ARB2A: variants seen among roughly 807,000 people sequenced by gnomAD.
ARB2A encodes the protein cotranscriptional regulator ARB2A.
the ARB2A span, among the ~76,000 whole-genome samples, chr5:93,758,874 G>A: frequency 6.6e-6 from 1 of 151,122 alleles, no homozygotes; most frequent in East Asian, 1.9e-4. Context: ...AACCCCAGCA[G>A]AAAAAAGGAA....
chr5:93,859,956 C>G, the ARB2A span, among the ~76,000 whole-genome samples: 1 of 152,082 alleles, frequency 6.6e-6, no homozygotes, highest in Non-Finnish European at 1.5e-5. Flanking sequence ...TTCTAGAGCA[C>G]CAGGAGGCAT....
chr5:93,860,203 G>T, the ARB2A span, among the ~76,000 whole-genome samples: 4 of 152,160 alleles, frequency 2.6e-5, no homozygotes, highest in African/African-American at 7.2e-5. Flanking sequence ...TGAGGCAGGA[G>T]AATCACATGA....
chr5:93,768,567 C>G, the ARB2A span, among the ~76,000 whole-genome samples: 1 of 150,640 alleles, frequency 6.6e-6, no homozygotes, highest in Non-Finnish European at 1.5e-5. Context: ...ACTATATATA[C>G]ATATATACTA....
the ARB2A span, among the ~76,000 whole-genome samples, chr5:93,964,742 T>C: frequency 3.3e-5 from 5 of 152,062 alleles, no homozygotes; most frequent in African/African-American, 1.2e-4. Flanking sequence ...TTAGGAACAA[T>C]TAATATACAT....
the ARB2A span, among the ~76,000 whole-genome samples, chr5:93,762,054 A>G: frequency 6.6e-6 from 1 of 151,678 alleles, no homozygotes; most frequent in Non-Finnish European, 1.5e-5. Context: ...CCATCTGTAC[A>G]TCACCATCAT....
the ARB2A span, among the ~76,000 whole-genome samples, chr5:94,033,403 A>T: frequency 6.6e-6 from 1 of 152,032 alleles, no homozygotes; most frequent in Non-Finnish European, 1.5e-5. Flanking sequence ...GACCTTTGTG[A>T]TGAAATGAAT....
the ARB2A span, among the ~76,000 whole-genome samples, chr5:93,642,692 AT>A: frequency 6.6e-6 from 1 of 151,318 alleles, no homozygotes; most frequent in African/African-American, 2.4e-5. Flanking sequence ...ATTAAAAAAA[AT>A]TTTTTTTTGT....
At chr5:93,862,873 C>T in the ARB2A span, 14 of 152,248 alleles carry the variant, frequency 9.2e-5, no homozygotes, top group African/African-American at 3.4e-4. Context: ...ATATTTCCTT[C>T]CAAATGTCTT....
the ARB2A span, among the ~76,000 whole-genome samples, chr5:94,082,188 T>A: frequency 6.6e-6 from 1 of 152,168 alleles, no homozygotes; most frequent in Non-Finnish European, 1.5e-5. Flanking sequence ...TGCCCATTAG[T>A]ATCCCTCGCA....
At chr5:93,744,366 C>T in the ARB2A span, among the ~76,000 whole-genome samples, 13 of 123,744 alleles carry the variant, frequency 1.1e-4, no homozygotes, top group East Asian at 2.3e-3. Context: ...ACCCGGGAGG[C>T]GGAGGTTGCA....
the ARB2A span, among the ~76,000 whole-genome samples, chr5:93,684,463 T>A: frequency 1.3e-5 from 2 of 152,232 alleles, no homozygotes; most frequent in Non-Finnish European, 2.9e-5. Context: ...TTTTTCTTGT[T>A]TACTACTTAT....
At chr5:94,078,583 G>T in the ARB2A span, among the ~76,000 whole-genome samples, 1 of 152,112 alleles carries the variant, frequency 6.6e-6, no homozygotes, top group Non-Finnish European at 1.5e-5. Flanking sequence ...AGGGTAATAA[G>T]GGCCCCTGGT....
the ARB2A span, among the ~76,000 whole-genome samples, chr5:93,639,313 A>G: frequency 2.0e-5 from 3 of 152,134 alleles, no homozygotes; most frequent in Admixed American, 6.5e-5. Context: ...TTCTCATCCT[A>G]GTTAAGATCA....
the ARB2A span, among the ~76,000 whole-genome samples, chr5:94,024,027 G>T: frequency 6.6e-6 from 1 of 152,164 alleles, no homozygotes; most frequent in Non-Finnish European, 1.5e-5. Flanking sequence ...ATGACTTCAC[G>T]TAGAGCCTGA....
At chr5:94,057,324 T>C in the ARB2A span, among the ~76,000 whole-genome samples, 3 of 152,294 alleles carry the variant, frequency 2.0e-5, no homozygotes, top group South Asian at 6.2e-4. Context: ...TTTCTGAGAT[T>C]CCTAGAGTCA....
At chr5:93,701,151 G>C in the ARB2A span, among the ~76,000 whole-genome samples, 1 of 152,118 alleles carries the variant, frequency 6.6e-6, no homozygotes, top group African/African-American at 2.4e-5. Flanking sequence ...TCTGTCATTT[G>C]ACGTGCTGTA....
the ARB2A span, among the ~76,000 whole-genome samples, chr5:94,107,550 C>T: frequency 6.8e-6 from 1 of 147,448 alleles, no homozygotes; most frequent in African/African-American, 2.5e-5. Flanking sequence ...AAAAAAAAGA[C>T]GTTGTTACCT....
At chr5:93,878,522 G>T in the ARB2A span, among the ~76,000 whole-genome samples, 1 of 151,918 alleles carries the variant, frequency 6.6e-6, no homozygotes, top group Non-Finnish European at 1.5e-5. Context: ...CTGGGGCAGG[G>T]TCCTCAGACT....
At chr5:93,866,052 A>G in the ARB2A span, 248 of 983,150 alleles carry the variant, frequency 2.5e-4, no homozygotes, top group African/African-American at 4.1e-3. Context: ...ATAATATGCT[A>G]TTAATTCTTA....
Sources: gnomAD v4.1 joint callset for allele counts (sites outside exome capture counted in the v4.1 genomes callset) on GRCh38, gnomAD v4.1.1 for gene constraint, MANE v1.5 for transcripts, NCBI Gene and HGNC (gene_info 2026-07-23, HGNC 2026-07-21) for gene names.